Variants in SH3PXD2A observed in about 807,000 individuals in gnomAD.
SH3PXD2A encodes SH3 and PX domain-containing protein 2A.
In SH3PXD2A, 32 loss-of-function variants were observed where a neutral mutation model predicts 115.2. The ratio of observed to expected loss-of-function variants is 0.28; its 90% CI spans 0.21 to 0.37. The LOEUF is 0.37. Among genes scored for constraint, SH3PXD2A ranks in the 10% least tolerant of loss-of-function variants. The pLI is 1.00. For synonymous variants in SH3PXD2A, 610 were observed against 629.1 expected (o/e 0.97, Z 0.45); for missense variants, 1,328 against 1,498.7 (o/e 0.89, Z 1.88).
intron 1 of SH3PXD2A, among the ~76,000 whole-genome samples, chr10:103,834,439 G>A (rs1204493750): frequency 6.6e-6 from 1 of 152,246 alleles, no homozygotes; most frequent in African/African-American, 2.4e-5. Context: ...GGTCACAGGT[G>A]ATGGCTAAAG....
At chr10:103,641,183 T>C (rs1342116183) in intron 8 of SH3PXD2A, among the ~76,000 whole-genome samples, 1 of 152,210 alleles carries the variant, frequency 6.6e-6, no homozygotes, top group African/African-American at 2.4e-5. Flanking sequence ...TGGCTTAGTA[T>C]GAGGATCTTA....
intron 2 of SH3PXD2A, among the ~76,000 whole-genome samples, chr10:103,786,381 A>T (rs531000897): frequency 1.6e-4 from 25 of 152,240 alleles, no homozygotes; most frequent in African/African-American, 6.0e-4. Context: ...AAAAGGGGGA[A>T]TGTTGGGGGG....
At chr10:103,740,811 C>T (rs2038436779) in intron 3 of SH3PXD2A, among the ~76,000 whole-genome samples, 1 of 152,192 alleles carries the variant, frequency 6.6e-6, no homozygotes, top group Admixed American at 6.5e-5. Context: ...TTCCTTCTTT[C>T]CTTCCTTCCA....
chr10:103,634,858 C>T (rs921231020), intron 8 of SH3PXD2A, among the ~76,000 whole-genome samples: 4 of 152,030 alleles, frequency 2.6e-5, no homozygotes, highest in Non-Finnish European at 5.9e-5. Flanking sequence ...TCTCAGTCAC[C>T]CTCTTTGTAA....
chr10:103,764,975 A>C (rs2038738057), intron 3 of SH3PXD2A, among the ~76,000 whole-genome samples: 1 of 152,238 alleles, frequency 6.6e-6, no homozygotes, highest in Non-Finnish European at 1.5e-5. Flanking sequence ...CATTAGTAAT[A>C]ATAAGGACTA....
chr10:103,797,530 TC>T (rs1024853455), intron 2 of SH3PXD2A, among the ~76,000 whole-genome samples: 15 of 151,952 alleles, frequency 9.9e-5, no homozygotes, highest in Admixed American at 9.8e-4. Context: ...CAAGGAACCT[TC>T]TCCAAGGACA....
chr10:103,840,962 G>C (rs2039591444), intron 1 of SH3PXD2A, among the ~76,000 whole-genome samples: 1 of 152,200 alleles, frequency 6.6e-6, no homozygotes, highest in African/African-American at 2.4e-5. Flanking sequence ...AGAGATATCT[G>C]GTTGTCAGGG....
intron 1 of SH3PXD2A, among the ~76,000 whole-genome samples, chr10:103,806,345 A>G (rs2039202579): frequency 6.6e-6 from 1 of 152,020 alleles, no homozygotes; most frequent in South Asian, 2.1e-4. Flanking sequence ...GACATCCTAG[A>G]TTATCACTCC....
intron 2 of SH3PXD2A, among the ~76,000 whole-genome samples, chr10:103,781,958 G>A (rs2038935147): frequency 6.6e-6 from 1 of 152,146 alleles, no homozygotes; most frequent in Non-Finnish European, 1.5e-5. Flanking sequence ...CTCAAGCTCA[G>A]AGGAACCAAC....
intron 12 of SH3PXD2A, 30 bp from the exon 13 acceptor site, chr10:103,611,660 C>G (rs749183833): frequency 6.3e-7 from 1 of 1,599,092 alleles, no homozygotes; most frequent in South Asian, 1.1e-5. Context: ...TTCAGAAATC[C>G]TAGTCAGACG....
intron 2 of SH3PXD2A, among the ~76,000 whole-genome samples, chr10:103,787,461 T>C (rs1339336328): frequency 6.6e-6 from 1 of 152,254 alleles, no homozygotes; most frequent in Non-Finnish European, 1.5e-5. Context: ...TCTTCTGTCT[T>C]GGTCCCCACC....
chr10:103,770,701 C>T (rs561695538), intron 2 of SH3PXD2A, among the ~76,000 whole-genome samples: 1 of 152,030 alleles, frequency 6.6e-6, no homozygotes, highest in East Asian at 1.9e-4. Flanking sequence ...GGCCAGTGGT[C>T]CATGGGGGTG....
rs967106465 is a variant in SH3PXD2A, at chr10:103,595,561, T to A, written c.*6255A>T. On this transcript the variant is annotated 3_prime_UTR_variant, in exon 15 of 15. Coordinates refer to ENST00000369774, the MANE Select transcript of SH3PXD2A (RefSeq NM_001394015.1). ...TCCTTTTGTTCTAAATAATTCTTCC[T>A]CCCTCCCTCCCTTTTTTCTCTTTCA... is the stretch of plus-strand genomic sequence containing the variant. 4 of 152,226 alleles carry A rather than the reference T, an allele frequency of 2.6e-5. No homozygotes were observed. The South Asian group carries it at 6.2e-4, about 24-fold the overall frequency. The allele number at this position is 152,226 out of a possible 1,614,324, so 9.4% of individuals were successfully genotyped here.
At chr10:103,840,611 G>A (rs1211942027) in intron 1 of SH3PXD2A, among the ~76,000 whole-genome samples, 1 of 152,240 alleles carries the variant, frequency 6.6e-6, no homozygotes, top group East Asian at 1.9e-4. Flanking sequence ...GGAAACAAGA[G>A]GTTTCGCGAA....
At chr10:103,625,369 A>T (rs1167276081) in intron 9 of SH3PXD2A, among the ~76,000 whole-genome samples, 1 of 152,248 alleles carries the variant, frequency 6.6e-6, no homozygotes, top group African/African-American at 2.4e-5. Context: ...AAAATGCTTC[A>T]CAGAGAGGTG....
chr10:103,772,542 C>A (rs760942362), intron 2 of SH3PXD2A, among the ~76,000 whole-genome samples: 4 of 152,222 alleles, frequency 2.6e-5, no homozygotes, highest in Admixed American at 2.0e-4. Context: ...GCTAATGGAG[C>A]CCCTCGCAAC....
intron 1 of SH3PXD2A, among the ~76,000 whole-genome samples, chr10:103,837,455 C>G (rs2039556462): frequency 6.6e-6 from 1 of 152,202 alleles, no homozygotes; most frequent in African/African-American, 2.4e-5. Context: ...AGGGTGGGTT[C>G]CAGGGATGAC....
intron 3 of SH3PXD2A, among the ~76,000 whole-genome samples, chr10:103,745,372 G>C (rs922189489): frequency 1.3e-5 from 2 of 152,210 alleles, no homozygotes; most frequent in African/African-American, 2.4e-5. Flanking sequence ...GTCACCAGGA[G>C]AGTCCTGACT....
At chr10:103,778,172 T>TA (rs984819001) in intron 2 of SH3PXD2A, among the ~76,000 whole-genome samples, 15 of 148,004 alleles carry the variant, frequency 1.0e-4, no homozygotes, top group Admixed American at 2.0e-4. Context: ...TACTAAAAAT[T>TA]AAAAAAAAAA....
Sources: allele counts gnomAD v4.1 joint callset (sites outside exome capture counted in the v4.1 genomes callset), GRCh38; gene constraint gnomAD v4.1.1; transcripts MANE v1.5; gene names NCBI Gene and HGNC (gene_info 2026-07-23, HGNC 2026-07-21).